ARHGAP10: variants seen among roughly 807,000 people sequenced by gnomAD.
ARHGAP10 encodes Rho GTPase activating protein 10.
A neutral mutation model predicts 108.6 loss-of-function variants in ARHGAP10; 87 were observed. That is an observed-to-expected ratio of 0.80 (90% CI 0.67 to 0.96). The LOEUF (loss-of-function observed/expected upper bound fraction) is 0.96. ARHGAP10 is among the 40% of genes least tolerant of loss of function. ARHGAP10 has a pLI of 0.00. For missense variants in ARHGAP10, 939 were observed against 954.5 expected (o/e 0.98, Z 0.21); for synonymous variants, 347 against 341.1 (o/e 1.02, Z -0.19).
At chr4:147,902,202 T>A (rs1736279188) in intron 10 of ARHGAP10, among the ~76,000 whole-genome samples, 1 of 152,204 alleles carries the variant, frequency 6.6e-6, no homozygotes, top group Non-Finnish European at 1.5e-5. Context: ...TTTTTGCCAT[T>A]TTGTATCATC....
At chr4:147,764,366 A>C (rs894036145) in intron 1 of ARHGAP10, among the ~76,000 whole-genome samples, 16 of 151,948 alleles carry the variant, frequency 1.1e-4, no homozygotes, top group Non-Finnish European at 1.9e-4. Context: ...GTGGGTCAGT[A>C]AACAGCACCT....
intron 3 of ARHGAP10, among the ~76,000 whole-genome samples, chr4:147,839,210 CAA>C (rs777708750): frequency 1.6e-4 from 25 of 152,104 alleles, no homozygotes; most frequent in Non-Finnish European, 3.2e-4. Flanking sequence ...CAAGGAAAAA[CAA>C]GAGCTGTGTT....
At chr4:148,035,009 C>T (rs1432337491) in intron 19 of ARHGAP10, among the ~76,000 whole-genome samples, 1 of 152,194 alleles carries the variant, frequency 6.6e-6, no homozygotes, top group East Asian at 1.9e-4. Flanking sequence ...ACTGGTCTTA[C>T]TTGCTTTATA....
At chr4:147,798,777 CTCTCTATATATA>C (rs1227109368) in intron 1 of ARHGAP10, among the ~76,000 whole-genome samples, 1 of 3,844 alleles carries the variant, frequency 2.6e-4, no homozygotes, top group African/African-American at 3.5e-4. Context: ...CTCTCTCTCT[CTCTCTATATATA>C]TATATATATA....
At chr4:147,809,981 A>G (rs1441121202) in intron 1 of ARHGAP10, among the ~76,000 whole-genome samples, 1 of 152,194 alleles carries the variant, frequency 6.6e-6, no homozygotes, top group Middle Eastern at 3.2e-3. Flanking sequence ...GGTTGAGACT[A>G]CTGCTATTAA....
intron 1 of ARHGAP10, among the ~76,000 whole-genome samples, chr4:147,757,835 C>T (rs1054181808): frequency 4.6e-5 from 7 of 152,164 alleles, no homozygotes; most frequent in African/African-American, 1.7e-4. Flanking sequence ...GCCAACCTGT[C>T]TGTTCCCTTC....
intron 8 of ARHGAP10, among the ~76,000 whole-genome samples, chr4:147,878,036 A>C (rs375585812): frequency 6.6e-6 from 1 of 151,936 alleles, no homozygotes. Flanking sequence ...TCCTGGGTTC[A>C]AGCCATTCTT....
At chr4:147,967,036 G>A (rs1455282749) in intron 18 of ARHGAP10, among the ~76,000 whole-genome samples, 197 bp downstream of exon 18, 1 of 152,094 alleles carries the variant, frequency 6.6e-6, no homozygotes, top group South Asian at 2.1e-4. Context: ...AAATTTATCT[G>A]GTCTTTTGTT....
chr4:147,913,190 C>T lies in ARHGAP10; in HGVS notation c.1228+51C>T, dbSNP rs1197719546. The stretch of plus-strand genomic sequence containing the variant: ...ATGAGAGGCTATAGGTATGTAAAAT[C>T]TAAAAGTCATTAAAAATACTTCTTG... On this transcript the variant is annotated intron_variant, in intron 13 of 22. Coordinates refer to ENST00000336498, the MANE Select transcript of ARHGAP10 (RefSeq NM_024605.4). The T allele has an allele frequency of 3.3e-6, 5 of 1,518,170 alleles. No individual in the cohort carries two copies. The African/African-American group carries it at 6.9e-5, about 21-fold the overall frequency. The allele number at this position is 1,518,170 out of a possible 1,614,324, so 94.0% of individuals were successfully genotyped here.
intron 19 of ARHGAP10, among the ~76,000 whole-genome samples, chr4:148,036,531 G>A (rs2149673533): frequency 6.6e-6 from 1 of 152,286 alleles, no homozygotes; most frequent in Middle Eastern, 3.4e-3. Context: ...CCTTTTGCTT[G>A]GCACTTCTCC....
chr4:147,889,768 A>G (rs1280274854), intron 10 of ARHGAP10, among the ~76,000 whole-genome samples: 3 of 152,206 alleles, frequency 2.0e-5, no homozygotes, highest in South Asian at 2.1e-4. Context: ...AATAAACTGC[A>G]CAGTGGAGGC....
intron 13 of ARHGAP10, among the ~76,000 whole-genome samples, chr4:147,930,739 C>T (rs1212840563): frequency 6.6e-6 from 1 of 152,108 alleles, no homozygotes; most frequent in Non-Finnish European, 1.5e-5. Context: ...TGTCTTTTCT[C>T]TTCTGCTTCC....
intron 1 of ARHGAP10, among the ~76,000 whole-genome samples, chr4:147,786,491 T>C (rs544240542): frequency 3.3e-5 from 5 of 152,252 alleles, no homozygotes; most frequent in African/African-American, 1.2e-4. Context: ...CGCTTTTTCA[T>C]TGATCTCTTT....
Position 147,866,788 on chromosome 4 carries a change from A to T in ARHGAP10, c.674A>T (p.Lys225Ile). 2 of 1,612,658 alleles carry T rather than the reference A, an allele frequency of 1.2e-6. No homozygotes were observed. Among genetic ancestry groups the T allele is most frequent in the South Asian group, 2.2e-5 (2 of 90,994 alleles). Residue 225 changes from lysine to isoleucine, a missense_variant, in exon 7 of 23, where the codon AAA becomes ATA. Lys to Ile is a moderately radical substitution (Grantham distance 102). Coordinates refer to ENST00000336498, the MANE Select transcript of ARHGAP10 (RefSeq NM_024605.4). The part of the protein sequence containing the change: ...HELAKDFNHY[K>I]MELQINIQNT... ...CTTGCCAAAGACTTCAATCACTACA[A>T]AATGGAACTACAGATCAACATTCAG...
intron 19 of ARHGAP10, among the ~76,000 whole-genome samples, chr4:148,035,904 A>G (rs191493268): frequency 1.3e-5 from 2 of 152,224 alleles, no homozygotes; most frequent in African/African-American, 4.8e-5. Context: ...CTCTATGGAC[A>G]GTAAAGAAGA....
chr4:147,884,169 T>C (rs1192581908), intron 10 of ARHGAP10, among the ~76,000 whole-genome samples: 1 of 152,262 alleles, frequency 6.6e-6, no homozygotes, highest in Non-Finnish European at 1.5e-5. Flanking sequence ...TTAATCATTT[T>C]AATCATCCAG....
At position 148,047,072 on chromosome 4, in the gene ARHGAP10, TG is replaced by T. The variant is rs1485428426; in HGVS notation, c.2027+24del. 5.0e-6 allele frequency: 8 copies of T among 1,613,474 alleles called. No homozygotes were observed. The African/African-American group carries it at 1.1e-4, about 22-fold the overall frequency. ...ACTATGTAAGTAACCGTGCTTCTGT[TG>T]GGTGCTGAAGGGTGGAAGCCCTGAC... On this transcript the variant is annotated intron_variant, in intron 20 of 22. Transcript: ENST00000336498.
chr4:147,935,885 CTTGCACCTCTCAG>C (rs1326674043), intron 13 of ARHGAP10, among the ~76,000 whole-genome samples: 2 of 152,198 alleles, frequency 1.3e-5, no homozygotes, highest in African/African-American at 4.8e-5. Context: ...TTAATTCCCC[CTTGCACCTCTCAG>C]TATGCATTAG....
At chr4:148,009,492 G>T (rs889724169) in intron 18 of ARHGAP10, among the ~76,000 whole-genome samples, 5 of 152,092 alleles carry the variant, frequency 3.3e-5, no homozygotes, top group Admixed American at 6.6e-5. Flanking sequence ...AAGATCCTCT[G>T]ATCTAGGCTA....
Sources: gnomAD v4.1 joint callset for allele counts (sites outside exome capture counted in the v4.1 genomes callset) on GRCh38, gnomAD v4.1.1 for gene constraint, MANE v1.5 for transcripts, NCBI Gene and HGNC (gene_info 2026-07-23, HGNC 2026-07-21) for gene names.